Variants in POLB observed in about 807,000 individuals in gnomAD.
POLB encodes the protein DNA polymerase beta, also known as 5'-dRP lyase.
A neutral mutation model predicts 52.7 loss-of-function variants in POLB; 37 were observed. The ratio of observed to expected loss-of-function variants is 0.70; its 90% CI spans 0.54 to 0.92. POLB has a LOEUF of 0.92. Among genes scored for constraint, POLB ranks in the 40% least tolerant of loss-of-function variants. The probability of loss-of-function intolerance (pLI) is 0.00; values close to 1 mark genes in which losing one functional copy is unlikely to be tolerated. For missense variants in POLB, 313 were observed against 400.8 expected (o/e 0.78, Z 1.87); for synonymous variants, 138 against 131.3 (o/e 1.05, Z -0.35).
At chr8:42,359,481 A>T (rs990898978) in intron 9 of POLB, among the ~76,000 whole-genome samples, 4 of 148,724 alleles carry the variant, frequency 2.7e-5, no homozygotes, top group African/African-American at 1.0e-4. Context: ...CAGCCTCCAG[A>T]GTAGCTGGGA....
rs181418680 is a variant in POLB at position 42,366,174 on chromosome 8, A to G, written c.709-3097A>G. ...CCTGAAAAGGAAAGGTGGGTAGCCA[A>G]GTCTTTGTGATCTTGTTGATAGTGT... On this transcript the variant is annotated intron_variant, in intron 11 of 13. Transcript: ENST00000265421. Among the ~76,000 whole-genome samples, 600 of 152,198 alleles carry G rather than the reference A, an allele frequency of 3.9e-3. 4 individuals carry two copies. The highest frequency in any genetic ancestry group is 0.014 in the African/African-American group (581 of 41,518).
At chr8:42,371,114 A>T (rs1254458004) in intron 13 of POLB, among the ~76,000 whole-genome samples, 1 of 152,086 alleles carries the variant, frequency 6.6e-6, no homozygotes, top group Non-Finnish European at 1.5e-5. Context: ...CTGGGAGAGG[A>T]TAGAGGTAGT....
intron 2 of POLB, among the ~76,000 whole-genome samples, chr8:42,344,481 A>T (rs1822477736): frequency 6.6e-6 from 1 of 151,790 alleles, no homozygotes; most frequent in Non-Finnish European, 1.5e-5. Context: ...AAAAAAAAAA[A>T]AAAGTTAGAC....
At chr8:42,353,958 G>A (rs908211949) in intron 6 of POLB, among the ~76,000 whole-genome samples, 1 of 150,624 alleles carries the variant, frequency 6.6e-6, no homozygotes, top group African/African-American at 2.4e-5. Context: ...ATTTGTGTGA[G>A]CCACATTGCT....
chr8:42,340,770 G>A (rs1372449246), intron 2 of POLB, among the ~76,000 whole-genome samples: 2 of 152,128 alleles, frequency 1.3e-5, no homozygotes, highest in Non-Finnish European at 2.9e-5. Context: ...ACTCCACACA[G>A]TTCAGAGCTG....
chr8:42,370,841 C>T (rs1309709702), intron 13 of POLB, among the ~76,000 whole-genome samples: 1 of 152,156 alleles, frequency 6.6e-6, no homozygotes, highest in Non-Finnish European at 1.5e-5. Context: ...AGACAGTTTA[C>T]GAATTTGTGT....
At chr8:42,371,358 G>A (rs993200855) in intron 13 of POLB, among the ~76,000 whole-genome samples, 1 of 151,948 alleles carries the variant, frequency 6.6e-6, no homozygotes, top group Non-Finnish European at 1.5e-5. Flanking sequence ...CCTGACCTCA[G>A]GTGATCTACC....
intron 1 of POLB, 40 bp from the exon 2 acceptor site, chr8:42,338,972 T>C (rs1822025503): frequency 6.4e-7 from 1 of 1,558,660 alleles, no homozygotes; most frequent in African/African-American, 1.4e-5. Flanking sequence ...GTTTGTTTAC[T>C]CGTGGTTCTT....
At chr8:42,350,536 C>T (rs527512199) in intron 5 of POLB, among the ~76,000 whole-genome samples, 1 of 152,192 alleles carries the variant, frequency 6.6e-6, no homozygotes, top group African/African-American at 2.4e-5. Flanking sequence ...CTCAGCATCC[C>T]GAGTAGCTTG....
chr8:42,347,188 TC>T (rs909428688), intron 3 of POLB, among the ~76,000 whole-genome samples: 13 of 152,080 alleles, frequency 8.5e-5, no homozygotes, highest in African/African-American at 3.1e-4. Flanking sequence ...TGTAAAAATC[TC>T]ATCATTATTC....
intron 11 of POLB, among the ~76,000 whole-genome samples, chr8:42,367,095 G>A (rs1824087223): frequency 1.3e-5 from 2 of 152,128 alleles, no homozygotes; most frequent in Non-Finnish European, 2.9e-5. Flanking sequence ...CACCCCCAGG[G>A]CAGCAGTTGT....
At chr8:42,355,887 C>G (rs1585895242) in intron 7 of POLB, among the ~76,000 whole-genome samples, 1 of 152,172 alleles carries the variant, frequency 6.6e-6, no homozygotes, top group East Asian at 1.9e-4. Flanking sequence ...GTACAAAGCA[C>G]TACACTAGGT....
intron 1 of POLB, 150 bp from the exon 2 acceptor site, chr8:42,338,862 C>T: frequency 1.1e-6 from 1 of 913,216 alleles, no homozygotes; most frequent in Non-Finnish European, 1.8e-6. Flanking sequence ...CCGGCTACAC[C>T]TGGGCCATCG....
chr8:42,369,386 G>T (rs752429558), intron 12 of POLB, 51 bp downstream of exon 12: 4 of 1,031,448 alleles, frequency 3.9e-6, no homozygotes, highest in Non-Finnish European at 6.1e-6. Flanking sequence ...AACTTGTCTC[G>T]TTTTCTCCCT....
At chr8:42,350,160 TCAC>T in intron 5 of POLB, 95 bp downstream of exon 5, 2 of 824,564 alleles carry the variant, frequency 2.4e-6, no homozygotes, top group Non-Finnish European at 4.3e-6. Context: ...AACCTGTACT[TCAC>T]CACCTCTGTA....
At chr8:42,353,969 A>G (rs781658958) in intron 6 of POLB, among the ~76,000 whole-genome samples, 3 of 151,954 alleles carry the variant, frequency 2.0e-5, no homozygotes, top group Non-Finnish European at 4.4e-5. Context: ...CCACATTGCT[A>G]GAGAATGAAC....
chr8:42,351,047 G>T (rs556190171), intron 5 of POLB, among the ~76,000 whole-genome samples: 3 of 151,974 alleles, frequency 2.0e-5, no homozygotes, highest in Admixed American at 6.6e-5. Flanking sequence ...GCCAATTTTT[G>T]TATCTTTTGT....
At chr8:42,370,813 ACATCT>A (rs1824339841) in intron 13 of POLB, among the ~76,000 whole-genome samples, 1 of 152,198 alleles carries the variant, frequency 6.6e-6, no homozygotes, top group African/African-American at 2.4e-5. Context: ...AATCATAAAA[ACATCT>A]CATCGTGTTT....
intron 3 of POLB, among the ~76,000 whole-genome samples, chr8:42,347,867 C>T (rs945124210): frequency 6.6e-6 from 1 of 152,150 alleles, no homozygotes; most frequent in Non-Finnish European, 1.5e-5. Context: ...GATGAGTGAA[C>T]CTAGGCCTGA....
Sources: gnomAD v4.1 joint callset for allele counts (sites outside exome capture counted in the v4.1 genomes callset) on GRCh38, gnomAD v4.1.1 for gene constraint, MANE v1.5 for transcripts, NCBI Gene and HGNC (gene_info 2026-07-23, HGNC 2026-07-21) for gene names.